The following PDE7B variants were observed in gnomAD, a reference collection of about 807,000 sequenced individuals.
PDE7B encodes the protein 3',5'-cyclic-AMP phosphodiesterase 7B.
PDE7B carries 29 observed loss-of-function variants against 56.2 expected under a neutral mutation model. The ratio of observed to expected loss-of-function variants is 0.52; its 90% CI spans 0.38 to 0.70. The LOEUF is 0.70. PDE7B is among the 30% of genes least tolerant of loss of function. The pLI, the probability that PDE7B is intolerant of heterozygous loss-of-function variation, is 0.00. For synonymous variants in PDE7B, 197 were observed against 196.9 expected (o/e 1.00, Z 0.00); for missense variants, 490 against 565.0 (o/e 0.87, Z 1.35).
At chr6:135,948,888 TAGATAGATAGACAGACAGAC>T (rs961702110) in intron 2 of PDE7B, among the ~76,000 whole-genome samples, 2 of 69,456 alleles carry the variant, frequency 2.9e-5, no homozygotes, top group African/African-American at 1.3e-4. Flanking sequence ...GATAGATAGA[TAGATAGATAGACAGACAGAC>T]AGACAGACAG....
rs1303851630 is a variant in PDE7B at position 135,963,048 on chromosome 6, A to G, written c.82+15524A>G. 3.9e-5 allele frequency among the ~76,000 whole-genome samples: 6 copies of G among 152,186 alleles called. No homozygotes were observed. The East Asian group carries it at 1.2e-3, about 29-fold the overall frequency. ...GGGATGGGTGAGAGCTCATTGCACAAATGATATCAAGTAATGTGGAACAAA... is the reference window on the plus strand; with the variant it reads ...GGGATGGGTGAGAGCTCATTGCACAGATGATATCAAGTAATGTGGAACAAA... On this transcript the variant is annotated intron_variant, in intron 2 of 12. Coordinates refer to ENST00000308191, the MANE Select transcript of PDE7B (RefSeq NM_018945.4).
chr6:135,955,955 T>C (rs1329723368), intron 2 of PDE7B, among the ~76,000 whole-genome samples: 1 of 152,110 alleles, frequency 6.6e-6, no homozygotes, highest in Non-Finnish European at 1.5e-5. Flanking sequence ...CCCAAGGAAC[T>C]TTCCACTGCA....
At chr6:136,161,131 ACTCT>A (rs1778696446) in intron 8 of PDE7B, among the ~76,000 whole-genome samples, 1 of 152,012 alleles carries the variant, frequency 6.6e-6, no homozygotes, top group African/African-American at 2.4e-5. Context: ...TGTTGTCTGT[ACTCT>A]CTAATTCCTC....
At position 136,155,811 on chromosome 6, in the gene PDE7B, C is replaced by G. The variant is rs749273405; in HGVS notation, c.711+53C>G. On this transcript the variant is annotated intron_variant, in intron 8 of 12. Coordinates refer to ENST00000308191, the MANE Select transcript of PDE7B (RefSeq NM_018945.4). ...ACAGTATGGTCAATCGCCTTAGGCC[C>G]GGTGCTCAAGCCTGAATCTTGCCCA... The G allele has an allele frequency of 6.3e-6, 10 of 1,583,250 alleles. No individual in the cohort carries two copies. In the South Asian group the frequency reaches 8.9e-5, roughly 14 times the overall value.
intron 1 of PDE7B, among the ~76,000 whole-genome samples, chr6:135,889,973 G>A (rs1018177328): frequency 2.7e-5 from 4 of 150,566 alleles, no homozygotes; most frequent in East Asian, 3.9e-4. Flanking sequence ...GGCTGGTCTC[G>A]AACTCCTGAC....
intron 1 of PDE7B, among the ~76,000 whole-genome samples, chr6:135,884,970 C>T (rs1274012503): frequency 1.3e-5 from 2 of 152,126 alleles, no homozygotes; most frequent in Non-Finnish European, 2.9e-5. Context: ...GATCTCACAG[C>T]ATGTCAGCGG....
rs1243087504 is a variant in PDE7B, at chr6:135,894,582, G to T, written c.21+42563G>T. Among the ~76,000 whole-genome samples the T allele has an allele frequency of 4.6e-5, 7 of 152,208 alleles. No homozygotes were observed. In the East Asian group the frequency reaches 9.6e-4, roughly 21 times the overall value. On this transcript the variant is annotated intron_variant, in intron 1 of 12. Coordinates refer to ENST00000308191, the MANE Select transcript of PDE7B (RefSeq NM_018945.4). ...CAAATGGAGACAAAAGGAGAGAGGA[G>T]ACCCCAAGGACAATAGCCTCCCACA...
rs1300374323 is a variant in PDE7B at position 135,934,790 on chromosome 6, A to T, written c.22-12674A>T. 3.9e-4 allele frequency among the ~76,000 whole-genome samples: 47 copies of T among 119,630 alleles called. 1 individual carries two copies. The highest frequency in any genetic ancestry group is 1.3e-3 in the African/African-American group (40 of 30,458). 78.5% of individuals were successfully genotyped at this position (119,630 alleles called of 152,430 possible). On this transcript the variant is annotated intron_variant, in intron 1 of 12. Transcript: ENST00000308191. Reference sequence around the variant, plus strand: ...ATATATATATATTTATTATATATATATTTTAAATATATATATTTATTATAT... The same window carrying T: ...ATATATATATATTTATTATATATATTTTTTAAATATATATATTTATTATAT...
chr6:135,991,153 T>G (rs1296343762), intron 2 of PDE7B, among the ~76,000 whole-genome samples: 2 of 152,196 alleles, frequency 1.3e-5, no homozygotes, highest in Admixed American at 6.5e-5. Flanking sequence ...TTTGTCTGGC[T>G]TCTTTACTGC....
intron 1 of PDE7B, among the ~76,000 whole-genome samples, chr6:135,911,210 C>T (rs778661266): frequency 3.3e-5 from 5 of 152,196 alleles, no homozygotes; most frequent in Non-Finnish European, 7.3e-5. Context: ...CCCTATGAAT[C>T]ATTAGCTGTG....
intron 2 of PDE7B, among the ~76,000 whole-genome samples, chr6:135,990,828 A>C (rs1775466603): frequency 6.6e-6 from 1 of 152,236 alleles, no homozygotes; most frequent in South Asian, 2.1e-4. Context: ...CCATAGAGCT[A>C]AGTGACAGTA....
At chr6:135,967,585 C>T (rs990168688) in intron 2 of PDE7B, among the ~76,000 whole-genome samples, 5 of 152,298 alleles carry the variant, frequency 3.3e-5, no homozygotes, top group South Asian at 2.1e-4. Flanking sequence ...AACCTATCTG[C>T]TCTCAGGCAC....
chr6:135,996,100 G>A (rs1037349208), intron 2 of PDE7B, among the ~76,000 whole-genome samples: 1 of 152,064 alleles, frequency 6.6e-6, no homozygotes, highest in African/African-American at 2.4e-5. Flanking sequence ...TACATGCCTA[G>A]ACACAGGATC....
intron 2 of PDE7B, among the ~76,000 whole-genome samples, chr6:136,061,418 T>C (rs894303132): frequency 6.6e-6 from 1 of 152,204 alleles, no homozygotes; most frequent in African/African-American, 2.4e-5. Flanking sequence ...TTTGGCACAG[T>C]TCAAGGAGAT....
intron 2 of PDE7B, among the ~76,000 whole-genome samples, chr6:135,974,437 G>T (rs981333887): frequency 6.6e-5 from 10 of 151,988 alleles, no homozygotes; most frequent in African/African-American, 2.4e-4. Flanking sequence ...CTGACCTTGA[G>T]AAATAATCAG....
intron 3 of PDE7B, among the ~76,000 whole-genome samples, chr6:136,125,576 A>T (rs1268363026): frequency 1.3e-5 from 2 of 152,026 alleles, no homozygotes; most frequent in Non-Finnish European, 2.9e-5. Flanking sequence ...CCCTAAAAAA[A>T]ATAAATAAAT....
At chr6:135,865,354 T>C (rs1214045379) in intron 1 of PDE7B, among the ~76,000 whole-genome samples, 1 of 152,196 alleles carries the variant, frequency 6.6e-6, no homozygotes, top group African/African-American at 2.4e-5. Flanking sequence ...AATCTGTCAT[T>C]TATCCCATAA....
intron 1 of PDE7B, among the ~76,000 whole-genome samples, chr6:135,896,837 C>T (rs1376693359): frequency 6.6e-6 from 1 of 151,870 alleles, no homozygotes; most frequent in African/African-American, 2.4e-5. Context: ...CAGCTCCTTC[C>T]TTCCAGCTCC....
At chr6:136,132,841 A>G (rs1244644142) in intron 3 of PDE7B, among the ~76,000 whole-genome samples, 1 of 152,138 alleles carries the variant, frequency 6.6e-6, no homozygotes, top group Non-Finnish European at 1.5e-5. Flanking sequence ...TGCCCTGTTA[A>G]TGTCTTAATG....
Sources: gnomAD v4.1 joint callset for allele counts (sites outside exome capture counted in the v4.1 genomes callset) on GRCh38, gnomAD v4.1.1 for gene constraint, MANE v1.5 for transcripts, NCBI Gene and HGNC (gene_info 2026-07-23, HGNC 2026-07-21) for gene names.